HS3ST4: variants seen among roughly 807,000 people sequenced by gnomAD.
HS3ST4 encodes the protein heparan sulfate-glucosamine 3-sulfotransferase 4, also known as heparan sulfate glucosamine 3-O-sulfotransferase 4.
In HS3ST4, 17 loss-of-function variants were observed where a neutral mutation model predicts 29.2. The observed-to-expected ratio is 0.58, with a 90% CI of 0.40 to 0.87. The LOEUF (loss-of-function observed/expected upper bound fraction) is 0.87. Ranked by LOEUF, HS3ST4 falls within the 40% of genes least tolerant of loss-of-function variation. The probability of loss-of-function intolerance (pLI) is 0.00; values close to 1 mark genes in which losing one functional copy is unlikely to be tolerated. For missense variants in HS3ST4, 627 were observed against 634.5 expected (o/e 0.99, Z 0.13); for synonymous variants, 314 against 285.7 (o/e 1.10, Z -1.00).
intron 1 of HS3ST4, among the ~76,000 whole-genome samples, chr16:25,979,330 G>A (rs1320459910): frequency 1.3e-5 from 2 of 152,162 alleles, no homozygotes; most frequent in Non-Finnish European, 2.9e-5. Flanking sequence ...GGCCTGTTAG[G>A]AGCCGGGCCA....
intron 1 of HS3ST4, among the ~76,000 whole-genome samples, chr16:25,978,949 T>TTTG (rs1555476146): frequency 6.7e-6 from 1 of 149,666 alleles, no homozygotes; most frequent in Non-Finnish European, 1.5e-5. Context: ...TTTGTTTTTT[T>TTTG]TTTTTTTTGA....
chr16:25,798,014 T>C (rs375542637), intron 1 of HS3ST4, among the ~76,000 whole-genome samples: 1 of 152,062 alleles, frequency 6.6e-6, no homozygotes, highest in Admixed American at 6.6e-5. Flanking sequence ...TTGATGTAAG[T>C]ATGTGTTGAG....
intron 1 of HS3ST4, among the ~76,000 whole-genome samples, chr16:26,019,458 ACT>A (rs1969391070): frequency 6.6e-6 from 1 of 151,950 alleles, no homozygotes; most frequent in Admixed American, 6.6e-5. Flanking sequence ...TATGGTAACG[ACT>A]CTGCATTTTC....
intron 1 of HS3ST4, among the ~76,000 whole-genome samples, chr16:25,784,451 GTTT>G (rs1966855485): frequency 6.6e-6 from 1 of 152,182 alleles, no homozygotes; most frequent in Non-Finnish European, 1.5e-5. Context: ...CAAAAGGAAA[GTTT>G]TTGAAGGAAA....
At chr16:25,996,047 G>C (rs1969156377) in intron 1 of HS3ST4, among the ~76,000 whole-genome samples, 1 of 151,088 alleles carries the variant, frequency 6.6e-6, no homozygotes, top group Middle Eastern at 3.5e-3. Context: ...GATGGACCAG[G>C]AGATAATCAG....
In HS3ST4 at chr16:25,911,496, GT is replaced by G. The variant is rs542274531; in HGVS notation, c.734+218373del. ...GAGGGAGGTGGTGTTCCGTTGTGTGGTTTTTTTTTTTTTTTTTTTTTTTTTT... is the reference window on the plus strand; with the variant it reads ...GAGGGAGGTGGTGTTCCGTTGTGTGGTTTTTTTTTTTTTTTTTTTTTTTTT... On this transcript the variant is annotated intron_variant, in intron 1 of 1. Transcript: ENST00000331351. Among the ~76,000 whole-genome samples the G allele has an allele frequency of 5.6e-3, 461 of 81,994 alleles. 2 individuals carry two copies. The highest frequency in any genetic ancestry group is 0.015 in the Middle Eastern group (2 of 136). The allele number at this position is 81,994 out of a possible 152,430, so 53.8% of individuals were successfully genotyped here. A position where few individuals can be genotyped will look rare whatever the true frequency, so the allele number is the denominator to read the frequency against.
intron 1 of HS3ST4, among the ~76,000 whole-genome samples, chr16:26,099,431 C>T (rs1334881398): frequency 6.6e-6 from 1 of 152,184 alleles, no homozygotes; most frequent in Non-Finnish European, 1.5e-5. Context: ...GCTGGGTTTA[C>T]AGGCGTGAGC....
In HS3ST4 at chr16:25,836,670, G is replaced by T. The variant is rs114262401; in HGVS notation, c.734+143519G>T. Among the ~76,000 whole-genome samples the T allele has an allele frequency of 7.9e-3, 1,196 of 152,286 alleles. 16 individuals carry two copies. The highest frequency in any genetic ancestry group is 0.027 in the African/African-American group (1,132 of 41,554). On this transcript the variant is annotated intron_variant, in intron 1 of 1. Coordinates refer to ENST00000331351, the MANE Select transcript of HS3ST4 (RefSeq NM_006040.3). ...GCTTAAGTGACAGTTGAAATGGCGTGTTTGTCAGCGTAGAAATGAAAAACA... is the reference window on the plus strand; with the variant it reads ...GCTTAAGTGACAGTTGAAATGGCGTTTTTGTCAGCGTAGAAATGAAAAACA...
At chr16:25,900,132 A>G (rs983372526) in intron 1 of HS3ST4, among the ~76,000 whole-genome samples, 1 of 152,180 alleles carries the variant, frequency 6.6e-6, no homozygotes, top group Non-Finnish European at 1.5e-5. Flanking sequence ...TAATTTTAAG[A>G]TAGGTGTGTA....
intron 1 of HS3ST4, among the ~76,000 whole-genome samples, chr16:25,839,911 G>T (rs1225507000): frequency 1.3e-5 from 2 of 152,118 alleles, no homozygotes; most frequent in Non-Finnish European, 2.9e-5. Context: ...GCTGAAAAAA[G>T]GTTAACACTC....
At chr16:25,922,289 G>A (rs1968361729) in intron 1 of HS3ST4, among the ~76,000 whole-genome samples, 1 of 152,186 alleles carries the variant, frequency 6.6e-6, no homozygotes, top group African/African-American at 2.4e-5. Context: ...TAAGGGTAGA[G>A]CCTTTATGAA....
At chr16:25,979,401 C>T (rs189713285) in intron 1 of HS3ST4, among the ~76,000 whole-genome samples, 1 of 152,104 alleles carries the variant, frequency 6.6e-6, no homozygotes, top group Non-Finnish European at 1.5e-5. Flanking sequence ...ACAGCCACCC[C>T]CTATTGTTCA....
intron 1 of HS3ST4, among the ~76,000 whole-genome samples, chr16:25,832,054 C>A (rs1336897395): frequency 6.6e-6 from 1 of 152,086 alleles, no homozygotes; most frequent in African/African-American, 2.4e-5. Flanking sequence ...CTGCAGTGAA[C>A]CATGATGATA....
intron 1 of HS3ST4, among the ~76,000 whole-genome samples, chr16:25,726,801 G>A (rs1966538196): frequency 6.6e-6 from 1 of 152,192 alleles, no homozygotes; most frequent in Admixed American, 6.5e-5. Context: ...ATTGTATTAT[G>A]TTAATGTCCC....
At chr16:26,134,299 T>C (rs1277669551) in intron 1 of HS3ST4, among the ~76,000 whole-genome samples, 3 of 151,970 alleles carry the variant, frequency 2.0e-5, no homozygotes, top group East Asian at 3.9e-4. Context: ...AGATCTTTCA[T>C]CTTATATGTC....
At chr16:26,035,912 T>G (rs1969578466) in intron 1 of HS3ST4, among the ~76,000 whole-genome samples, 1 of 152,246 alleles carries the variant, frequency 6.6e-6, no homozygotes, top group Non-Finnish European at 1.5e-5. Context: ...ATGTGAACTA[T>G]GAGTGCAGGA....
At chr16:25,826,545 A>G (rs1967217638) in intron 1 of HS3ST4, among the ~76,000 whole-genome samples, 1 of 152,198 alleles carries the variant, frequency 6.6e-6, no homozygotes, top group Non-Finnish European at 1.5e-5. Flanking sequence ...TATCAAGGAA[A>G]TCAAGGATAT....
At chr16:25,882,461 T>G (rs1375729337) in intron 1 of HS3ST4, among the ~76,000 whole-genome samples, 3 of 152,162 alleles carry the variant, frequency 2.0e-5, no homozygotes, top group Non-Finnish European at 2.9e-5. Context: ...GCAGGCAGTT[T>G]CAGGCACTTT....
intron 1 of HS3ST4, among the ~76,000 whole-genome samples, chr16:25,770,624 T>A (rs1204420080): frequency 1.3e-5 from 2 of 152,194 alleles, no homozygotes; most frequent in Non-Finnish European, 2.9e-5. Context: ...CTGCCAGTCC[T>A]GTGAGTGAGC....
Sources: gnomAD v4.1 joint callset for allele counts (sites outside exome capture counted in the v4.1 genomes callset) on GRCh38, gnomAD v4.1.1 for gene constraint, MANE v1.5 for transcripts, NCBI Gene and HGNC (gene_info 2026-07-23, HGNC 2026-07-21) for gene names.